RTN1: variants seen among roughly 807,000 people sequenced by gnomAD.
RTN1 encodes the protein reticulon 1, also known as reticulon-1.
RTN1 carries 25 observed loss-of-function variants against 65.5 expected under a neutral mutation model. The ratio of observed to expected loss-of-function variants is 0.38; its 90% confidence interval spans 0.28 to 0.53. The LOEUF is 0.53. Among genes scored for constraint, RTN1 ranks in the 20% least tolerant of loss-of-function variants. The pLI is 0.79. For synonymous variants in RTN1, 471 were observed against 447.6 expected, an observed-to-expected ratio of 1.05 and a Z score of -0.66; for missense variants, 983 against 1,025.4, an observed-to-expected ratio of 0.96 and a Z score of 0.57.
At position 59,774,094 on chromosome 14, in the gene RTN1, T is replaced by C. The variant is rs111722650; in HGVS notation, c.242-27613A>G. 6.6e-6 allele frequency among the ~76,000 whole-genome samples: 1 copy of C among 152,180 alleles called. No homozygotes were observed. The highest frequency in any genetic ancestry group is 1.5e-5 in the Non-Finnish European group (1 of 68,012). On this transcript the variant is annotated intron_variant, in intron 1 of 8. Transcript: ENST00000267484. The surrounding 1 kb of genome is among the most constrained non-coding windows in gnomAD (Gnocchi z 5.1). ...CAAATTTGGGCAAGTATCCACATTA[T>C]GGTAAAGAGTGTCTGTAGTGGACTG...
chr14:59,723,769 C>G (rs1169372172), intron 3 of RTN1, among the ~76,000 whole-genome samples: 1 of 152,224 alleles, frequency 6.6e-6, no homozygotes, highest in Admixed American at 6.5e-5. Context: ...CTAACAACCT[C>G]CCACATAATA....
At chr14:59,648,980 T>A (rs1301950966) in intron 3 of RTN1, among the ~76,000 whole-genome samples, 1 of 151,980 alleles carries the variant, frequency 6.6e-6, no homozygotes, top group Non-Finnish European at 1.5e-5. Context: ...TCAGGTAGTG[T>A]GATGCCACTA....
Position 59,870,379 on chromosome 14 carries a change from G to A in RTN1, c.241+11C>T. 1 of 1,496,582 alleles carries A rather than the reference G, an allele frequency of 6.7e-7. No individual in the cohort carries two copies. Among genetic ancestry groups the A allele is most frequent in the Non-Finnish European group, 8.8e-7 (1 of 1,134,076 alleles). 92.7% of individuals were successfully genotyped at this position (1,496,582 alleles called of 1,614,324 possible). A position where few individuals can be genotyped will look rare whatever the true frequency, so the allele number is the denominator to read the frequency against. ...CCGACGCCATTTGAGGGGCAGCGGC[G>A]CCCGCCTTACCTGTGGATGCAGTTT... On this transcript the variant is annotated intron_variant, in intron 1 of 8. Coordinates refer to ENST00000267484, the MANE Select transcript of RTN1 (RefSeq NM_021136.3). The surrounding 1 kb of genome is among the most constrained non-coding windows in gnomAD (Gnocchi z 5.1).
At chr14:59,749,649 TTATATAGATATCTATATATATTTA>T (rs1566712463) in intron 1 of RTN1, among the ~76,000 whole-genome samples, 7 of 36,580 alleles carry the variant, frequency 1.9e-4, no homozygotes, top group African/African-American at 1.1e-3. Flanking sequence ...CTATATATAT[TTATATAGATATCTATATATATTTA>T]TATATCTATA....
At chr14:59,728,844 C>T (rs943965997) in intron 2 of RTN1, among the ~76,000 whole-genome samples, 4 of 152,192 alleles carry the variant, frequency 2.6e-5, no homozygotes, top group African/African-American at 9.7e-5. Context: ...CCCTTTTCTA[C>T]ACACTTGGGA....
intron 3 of RTN1, among the ~76,000 whole-genome samples, chr14:59,641,841 T>G (rs1322838195): frequency 1.3e-5 from 2 of 152,248 alleles, no homozygotes; most frequent in East Asian, 1.9e-4. Flanking sequence ...TATATATCAT[T>G]GGTGCTATAA....
Position 59,605,552 on chromosome 14 carries a change from T to A in RTN1, c.1974-46A>T, listed in dbSNP as rs762876394. The stretch of plus-strand genomic sequence containing the variant: ...CAGAAAATTCCGTCAGAGGGAATCA[T>A]GAGACAGGCTGCCGAACCCCAGTAA... On this transcript the variant is annotated intron_variant, in intron 4 of 8. Coordinates refer to ENST00000267484, the MANE Select transcript of RTN1 (RefSeq NM_021136.3). The A allele has an allele frequency of 2.1e-5, 33 of 1,605,256 alleles. No individual in the cohort carries two copies. The East Asian group carries it at 6.9e-4, about 34-fold the overall frequency.
At chr14:59,608,660 C>T (rs1439861376) in intron 3 of RTN1, among the ~76,000 whole-genome samples, 4 of 152,208 alleles carry the variant, frequency 2.6e-5, no homozygotes, top group East Asian at 3.9e-4. Context: ...AATCTGAAGC[C>T]GGAGAGAGAA....
intron 3 of RTN1, among the ~76,000 whole-genome samples, chr14:59,658,130 C>T (rs954041364): frequency 2.0e-5 from 3 of 152,204 alleles, no homozygotes; most frequent in East Asian, 1.9e-4. Context: ...AGCCGAGCCT[C>T]GGGGAAGTTC....
chr14:59,747,699 T>C lies in RTN1; in HGVS notation c.242-1218A>G, dbSNP rs1485838814. Among the ~76,000 whole-genome samples, 3 of 152,150 alleles carry C rather than the reference T, an allele frequency of 2.0e-5. No individual in the cohort carries two copies. The East Asian group carries it at 5.8e-4, about 29-fold the overall frequency. On this transcript the variant is annotated intron_variant, in intron 1 of 8. Transcript: ENST00000267484. ...TACCAGAAGGTATGAAAACCAACCA[T>C]ACCAGAGCATACATTGAGGCGTCAC...
At chr14:59,828,503 G>A (rs1046537312) in intron 1 of RTN1, among the ~76,000 whole-genome samples, 1 of 152,138 alleles carries the variant, frequency 6.6e-6, no homozygotes, top group Non-Finnish European at 1.5e-5. Flanking sequence ...AGAAGAAATC[G>A]GTGGGGATGA....
intron 1 of RTN1, among the ~76,000 whole-genome samples, chr14:59,798,134 G>C (rs921765596): frequency 6.6e-6 from 1 of 152,098 alleles, no homozygotes; most frequent in African/African-American, 2.4e-5. Context: ...TCAAGCAATT[G>C]ATGTGTCTGA....
intron 3 of RTN1, among the ~76,000 whole-genome samples, chr14:59,711,726 G>C (rs1396718260): frequency 1.3e-5 from 2 of 152,148 alleles, no homozygotes; most frequent in African/African-American, 4.8e-5. Flanking sequence ...GGGAGAGATA[G>C]GCAATAAACA....
At chr14:59,630,278 C>T (rs1882508789) in intron 3 of RTN1, among the ~76,000 whole-genome samples, 1 of 151,942 alleles carries the variant, frequency 6.6e-6, no homozygotes, top group African/African-American at 2.4e-5. Flanking sequence ...AACAACCAAG[C>T]ACCATCCATT....
intron 3 of RTN1, among the ~76,000 whole-genome samples, chr14:59,720,126 C>T (rs1884616738): frequency 6.6e-6 from 1 of 152,092 alleles, no homozygotes; most frequent in Non-Finnish European, 1.5e-5. Flanking sequence ...TCTTTACACA[C>T]ATCTTGGAAT....
At chr14:59,860,357 C>A (rs1360269926) in intron 1 of RTN1, among the ~76,000 whole-genome samples, 2 of 152,190 alleles carry the variant, frequency 1.3e-5, no homozygotes, top group East Asian at 1.9e-4. Context: ...TCACAGAAAT[C>A]AAGAATTGAG....
chr14:59,752,665 C>T (rs1331400511), intron 1 of RTN1, among the ~76,000 whole-genome samples: 1 of 152,060 alleles, frequency 6.6e-6, no homozygotes, highest in Admixed American at 6.6e-5. Context: ...CCTGTCAGCT[C>T]CTGGATTTTG....
chr14:59,619,538 AG>A (rs1444041829), intron 3 of RTN1, among the ~76,000 whole-genome samples: 1 of 152,184 alleles, frequency 6.6e-6, no homozygotes, highest in Non-Finnish European at 1.5e-5. Flanking sequence ...TTGGAAGTGC[AG>A]GGCTAAAATT....
chr14:59,832,984 GA>G (rs1887152264), intron 1 of RTN1, among the ~76,000 whole-genome samples: 1 of 152,178 alleles, frequency 6.6e-6, no homozygotes, highest in Non-Finnish European at 1.5e-5. Flanking sequence ...CCAGCATGAA[GA>G]TTGTGCCTTA....
Sources: allele counts gnomAD v4.1 joint callset (sites outside exome capture counted in the v4.1 genomes callset), GRCh38; gene constraint gnomAD v4.1.1; non-coding constraint Gnocchi (gnomAD v3.1); transcripts MANE v1.5; gene names NCBI Gene and HGNC (gene_info 2026-07-23, HGNC 2026-07-21).